Variants in MAD1L1 observed in about 807,000 individuals in gnomAD.
The protein encoded by MAD1L1 is mitotic arrest deficient 1 like 1, also known as mitotic spindle assembly checkpoint protein MAD1.
In MAD1L1, 95 loss-of-function variants were observed where a neutral mutation model predicts 96.9. The observed-to-expected ratio is 0.98, with a 90% confidence interval of 0.83 to 1.16. The LOEUF (loss-of-function observed/expected upper bound fraction) is 1.16. MAD1L1 is among the 50% of genes most tolerant of loss of function. The probability of loss-of-function intolerance (pLI) is 0.00; values close to 1 mark genes in which losing one functional copy is unlikely to be tolerated. For synonymous variants in MAD1L1, 473 were observed against 396.6 expected (o/e 1.19, Z -2.29); for missense variants, 1,007 against 954.4 (o/e 1.06, Z -0.73).
At chr7:1,868,099 T>G (rs1784866143) in intron 18 of MAD1L1, among the ~76,000 whole-genome samples, 2 of 152,036 alleles carry the variant, frequency 1.3e-5, no homozygotes, top group African/African-American at 4.8e-5. Context: ...CCGCTCAGAG[T>G]GGGCCCTCCT....
chr7:2,125,753 T>A (rs2128564077), intron 11 of MAD1L1, among the ~76,000 whole-genome samples: 1 of 152,340 alleles, frequency 6.6e-6, no homozygotes, highest in East Asian at 1.9e-4. Flanking sequence ...CACCTCCAGC[T>A]AAGGGCTTCC....
At chr7:1,845,481 G>A (rs184974456) in intron 18 of MAD1L1, 2 of 72,540 alleles carry the variant, frequency 2.8e-5, no homozygotes, top group African/African-American at 1.1e-4. Flanking sequence ...GCAGAGACGC[G>A]TCGGGCTCTG....
chr7:2,140,369 G>A (rs1007208061), intron 11 of MAD1L1, among the ~76,000 whole-genome samples: 2 of 152,178 alleles, frequency 1.3e-5, no homozygotes, highest in African/African-American at 2.4e-5. Context: ...GAAGGGTGCC[G>A]GTGCCACCCT....
intron 17 of MAD1L1, among the ~76,000 whole-genome samples, chr7:1,930,943 C>T (rs1789437327): frequency 6.6e-6 from 1 of 152,206 alleles, no homozygotes; most frequent in Non-Finnish European, 1.5e-5. Flanking sequence ...GTCTCAGGCT[C>T]ACACCTGCCA....
At chr7:2,079,449 G>C (rs1396956825) in intron 11 of MAD1L1, among the ~76,000 whole-genome samples, 2 of 152,232 alleles carry the variant, frequency 1.3e-5, no homozygotes, top group Non-Finnish European at 2.9e-5. Context: ...AACGGCCAGG[G>C]GAGCAGGCTC....
chr7:2,165,564 C>G (rs1245734151), intron 10 of MAD1L1, among the ~76,000 whole-genome samples: 2 of 97,312 alleles, frequency 2.1e-5, no homozygotes, highest in African/African-American at 4.2e-5. Flanking sequence ...CCGTGCACAG[C>G]AGGGAGCTGA....
At chr7:1,892,795 G>C (rs2128438844) in intron 18 of MAD1L1, among the ~76,000 whole-genome samples, 1 of 152,356 alleles carries the variant, frequency 6.6e-6, no homozygotes, top group East Asian at 1.9e-4. Flanking sequence ...GCCCTGGACA[G>C]CAAGGAATGA....
intron 13 of MAD1L1, among the ~76,000 whole-genome samples, chr7:2,008,335 C>T (rs1305889707): frequency 6.6e-6 from 1 of 152,190 alleles, no homozygotes. Flanking sequence ...CGGCAGAGCA[C>T]CCCCTGTGGA....
chr7:2,197,644 T>C (rs913786922), intron 10 of MAD1L1, among the ~76,000 whole-genome samples: 2 of 152,164 alleles, frequency 1.3e-5, no homozygotes, highest in Non-Finnish European at 2.9e-5. Flanking sequence ...CAAAGCCACC[T>C]GCAAACGCCA....
chr7:1,893,898 G>A (rs1373655720), intron 18 of MAD1L1, among the ~76,000 whole-genome samples: 1 of 152,362 alleles, frequency 6.6e-6, no homozygotes, highest in South Asian at 2.1e-4. Context: ...CAAGGAGTCA[G>A]TGACCATCTG....
chr7:1,914,261 C>T (rs2056478), intron 17 of MAD1L1, among the ~76,000 whole-genome samples: 45,617 of 152,134 alleles, frequency 0.3, 8,178 homozygotes, highest in East Asian at 0.44. Context: ...CAAGCGGTGG[C>T]TATGCCTGGG....
chr7:1,939,712 C>CT (rs1199090031), intron 16 of MAD1L1, among the ~76,000 whole-genome samples: 2 of 152,240 alleles, frequency 1.3e-5, no homozygotes, highest in African/African-American at 4.8e-5. Context: ...ACCCCACGCT[C>CT]TCAGGAGAGG....
chr7:2,193,936 ATTT>A (rs35067993), intron 10 of MAD1L1, among the ~76,000 whole-genome samples: 7 of 82,798 alleles, frequency 8.5e-5, no homozygotes, highest in African/African-American at 2.3e-4. Flanking sequence ...CTCTGCATGG[ATTT>A]TTTTTTTTTT....
chr7:2,013,560 C>T (rs1285383861), intron 13 of MAD1L1, among the ~76,000 whole-genome samples: 2 of 152,242 alleles, frequency 1.3e-5, no homozygotes, highest in Non-Finnish European at 2.9e-5. Context: ...CCATAGGATA[C>T]GGTGACAATG....
chr7:2,209,020 C>T lies in MAD1L1; in HGVS notation c.986+4192G>A, dbSNP rs537911084. Among the ~76,000 whole-genome samples, 10 of 152,356 alleles carry T rather than the reference C, an allele frequency of 6.6e-5. No individual in the cohort carries two copies. The East Asian group carries it at 9.7e-4, about 15-fold the overall frequency. On this transcript the variant is annotated intron_variant, in intron 10 of 18. Transcript: ENST00000265854. Reference sequence around the variant, plus strand: ...GGCACTGGCATCCTGCCCTTCCCCACGTGTGTTCACGCAGGCTCATCCACA... The same window carrying T: ...GGCACTGGCATCCTGCCCTTCCCCATGTGTGTTCACGCAGGCTCATCCACA...
chr7:1,959,138 G>A (rs1011050121), intron 15 of MAD1L1, among the ~76,000 whole-genome samples: 6 of 152,248 alleles, frequency 3.9e-5, no homozygotes, highest in Admixed American at 2.6e-4. Context: ...TGTAGTCCCA[G>A]CTCCTCAGGA....
At chr7:1,918,797 T>G (rs1788583614) in intron 17 of MAD1L1, among the ~76,000 whole-genome samples, 1 of 152,196 alleles carries the variant, frequency 6.6e-6, no homozygotes, top group Admixed American at 6.5e-5. Context: ...GGACTGCACT[T>G]GGGCCCACCT....
intron 6 of MAD1L1, 81 bp downstream of exon 6, chr7:2,219,251 C>T: frequency 7.5e-7 from 1 of 1,336,984 alleles, no homozygotes; most frequent in Non-Finnish European, 1.0e-6. Context: ...ATCCACATCC[C>T]ACCCAGCCAC....
At chr7:1,846,012 G>C (rs1017587115) in intron 18 of MAD1L1, 1 of 152,834 alleles carries the variant, frequency 6.5e-6, no homozygotes, top group Non-Finnish European at 1.5e-5. Flanking sequence ...CCGTGACCAG[G>C]GAGATGTGCA....
Sources: allele counts gnomAD v4.1 joint callset (sites outside exome capture counted in the v4.1 genomes callset), GRCh38; gene constraint gnomAD v4.1.1; transcripts MANE v1.5; gene names NCBI Gene and HGNC (gene_info 2026-07-23, HGNC 2026-07-21).